CLPX: variants seen among roughly 807,000 people sequenced by gnomAD.
CLPX encodes ATP-dependent clpX-like chaperone, mitochondrial.
Under a neutral mutation model 76.4 loss-of-function variants are expected in CLPX, and 34 were observed. That is an observed-to-expected ratio of 0.45 (90% CI 0.34 to 0.59). CLPX has a LOEUF of 0.59. Among genes scored for constraint, CLPX ranks in the 20% least tolerant of loss-of-function variants. The pLI, the probability that CLPX is intolerant of heterozygous loss-of-function variation, is 0.01. For synonymous variants in CLPX, 248 were observed against 270.9 expected, an observed-to-expected ratio of 0.92 and a Z score of 0.83; for missense variants, 613 against 757.0, an observed-to-expected ratio of 0.81 and a Z score of 2.23.
intron 9 of CLPX, 53 bp downstream of exon 9, chr15:65,156,791 T>C (rs745450264): frequency 2.7e-6 from 3 of 1,110,528 alleles, no homozygotes; most frequent in Non-Finnish European, 4.1e-6. Flanking sequence ...ATTTGGGAGG[T>C]TGATGTATTC....
At chr15:65,151,419 C>G (rs566199470) in intron 13 of CLPX, among the ~76,000 whole-genome samples, 1 of 109,532 alleles carries the variant, frequency 9.1e-6, no homozygotes, top group Non-Finnish European at 1.8e-5. Flanking sequence ...TGCAAATAAA[C>G]TTCCCAGCAT....
chr15:65,178,993 C>T lies in CLPX; in HGVS notation c.299G>A (p.Gly100Glu). 1 of 1,612,328 alleles carries T rather than the reference C, an allele frequency of 6.2e-7. No individual in the cohort carries two copies. The highest frequency in any genetic ancestry group is 8.5e-7 in the Non-Finnish European group (1 of 1,178,722). The change falls in exon 3 of 14, where the codon GGA becomes GAA. Residue 100 changes from glycine (G) to glutamate (E), a missense_variant. By Grantham distance (98) the Gly-to-Glu change is moderately conservative (BLOSUM62 -2). Around this residue, in one of 2 missense-constraint regions of CLPX, gnomAD observed 450 missense variants for 638.6 expected, o/e 0.70. Coordinates refer to ENST00000300107, the MANE Select transcript of CLPX (RefSeq NM_006660.5). ...ACATTTAGGACAGCGCAGCTGGTTT[C>T]CACCTTTCCCAGAATTCCCAGAGCC... ...KSGSGNSGKG[G>E]NQLRCPKCGD...
intron 3 of CLPX, among the ~76,000 whole-genome samples, chr15:65,167,852 C>CA (rs777731452): frequency 5.3e-5 from 8 of 151,854 alleles, no homozygotes; most frequent in Admixed American, 1.3e-4. Flanking sequence ...TGCGCCATTG[C>CA]ACTCCAGCCT....
intron 1 of CLPX, among the ~76,000 whole-genome samples, chr15:65,183,975 T>G (rs1050433204): frequency 3.9e-5 from 6 of 152,218 alleles, no homozygotes; most frequent in Non-Finnish European, 8.8e-5. Flanking sequence ...TAACATCGAT[T>G]TAGGATTAAA....
In CLPX at chr15:65,149,387, A is replaced by G. The variant is rs1335906430; in HGVS notation, c.*1436T>C. On this transcript the variant is annotated 3_prime_UTR_variant, in exon 14 of 14. Transcript: ENST00000300107. ...CTACTCAGGAGGCTGAGGCATGAGT[A>G]TCGCTTGAACCTGGGACTCAGAGGT... 1 of 247,040 alleles carries G rather than the reference A, an allele frequency of 4.0e-6. No homozygotes were observed. Among genetic ancestry groups the G allele is most frequent in the South Asian group, 4.0e-5 (1 of 24,916 alleles). The allele number at this position is 247,040 out of a possible 1,614,324, so 15.3% of individuals were successfully genotyped here. A position where few individuals can be genotyped will look rare whatever the true frequency, so the allele number is the denominator to read the frequency against.
At chr15:65,184,920 A>T (rs1050319975) in intron 1 of CLPX, among the ~76,000 whole-genome samples, 155 bp downstream of exon 1, 1 of 152,108 alleles carries the variant, frequency 6.6e-6, no homozygotes, top group Non-Finnish European at 1.5e-5. Context: ...GCCCCATTCC[A>T]CGGGGAAAGT....
At chr15:65,156,773 C>T (rs927116148) in intron 9 of CLPX, 71 bp downstream of exon 9, 4 of 918,410 alleles carry the variant, frequency 4.4e-6, no homozygotes, top group African/African-American at 1.6e-5. Context: ...TGAAACCAAA[C>T]GTACAATATT....
chr15:65,179,130 T>A (rs2088129452), intron 2 of CLPX, 79 bp from the exon 3 acceptor site: 1 of 706,506 alleles, frequency 1.4e-6, no homozygotes, highest in Non-Finnish European at 2.5e-6. Context: ...AACAATACTG[T>A]TTGTAATTAA....
chr15:65,183,561 A>AAAGGAAGG (rs368335604), intron 1 of CLPX, among the ~76,000 whole-genome samples: 4 of 151,398 alleles, frequency 2.6e-5, no homozygotes, highest in Non-Finnish European at 5.9e-5. Flanking sequence ...GGAAGGAAGG[A>AAAGGAAGG]AAGGAAGGAA....
In CLPX at chr15:65,175,919, C is replaced by T. The variant is rs191604914; in HGVS notation, c.358+3015G>A. 5.4e-4 allele frequency among the ~76,000 whole-genome samples: 83 copies of T among 152,302 alleles called. 1 individual carries two copies. Among genetic ancestry groups the T allele is most frequent in the African/African-American group, 1.9e-3 (79 of 41,584 alleles). On this transcript the variant is annotated intron_variant, in intron 3 of 13. Coordinates refer to ENST00000300107, the MANE Select transcript of CLPX (RefSeq NM_006660.5). ...GGGCTCACTGCACTGCTAGGGCCTACAAATAGTTAGAGGACAGGGACAGTG... is the reference window on the plus strand; with the variant it reads ...GGGCTCACTGCACTGCTAGGGCCTATAAATAGTTAGAGGACAGGGACAGTG...
chr15:65,149,446 G>A lies in CLPX; in HGVS notation c.*1377C>T. The A allele has an allele frequency of 3.2e-6, 1 of 312,088 alleles. No homozygotes were observed. The highest frequency in any genetic ancestry group is 5.1e-4 in the Middle Eastern group (1 of 1,958). The allele number at this position is 312,088 out of a possible 1,614,324, so 19.3% of individuals were successfully genotyped here. On this transcript the variant is annotated 3_prime_UTR_variant, in exon 14 of 14. Coordinates refer to ENST00000300107, the MANE Select transcript of CLPX (RefSeq NM_006660.5). Reference sequence around the variant, plus strand: ...GCCAAGATTGTGGCACTGTACTCCAGCCTGGGTGACACAGCGAGACTCTGT... The same window carrying A: ...GCCAAGATTGTGGCACTGTACTCCAACCTGGGTGACACAGCGAGACTCTGT...
At chr15:65,176,954 G>A (rs1248418216) in intron 3 of CLPX, among the ~76,000 whole-genome samples, 5 of 151,832 alleles carry the variant, frequency 3.3e-5, no homozygotes, top group Non-Finnish European at 7.4e-5. Context: ...AAAAAAGGAG[G>A]AAAATTTCTT....
At chr15:65,177,626 A>G (rs1201440274) in intron 3 of CLPX, among the ~76,000 whole-genome samples, 1 of 152,176 alleles carries the variant, frequency 6.6e-6, no homozygotes, top group African/African-American at 2.4e-5. Flanking sequence ...GCTTTCTTCA[A>G]TTGGATTGTA....
intron 3 of CLPX, among the ~76,000 whole-genome samples, chr15:65,173,365 CAAAAAAAAAAAA>C (rs35763100): frequency 1.9e-5 from 1 of 52,178 alleles, no homozygotes; most frequent in African/African-American, 6.9e-5. Context: ...GACTCTGTCT[CAAAAAAAAAAAA>C]AAAAAAAAAA....
intron 4 of CLPX, among the ~76,000 whole-genome samples, chr15:65,165,452 T>C (rs537149094): frequency 1.9e-4 from 28 of 144,144 alleles, no homozygotes; most frequent in African/African-American, 7.1e-4. Context: ...GGCGTGATCT[T>C]GGCTCACTGC....
intron 3 of CLPX, among the ~76,000 whole-genome samples, chr15:65,174,836 A>C (rs2088066651): frequency 6.6e-6 from 1 of 152,198 alleles, no homozygotes; most frequent in African/African-American, 2.4e-5. Context: ...GCTAGGTATA[A>C]GTAGGCCTGA....
chr15:65,167,963 CA>C (rs2087940693), intron 3 of CLPX, among the ~76,000 whole-genome samples: 1 of 151,826 alleles, frequency 6.6e-6, no homozygotes, highest in Non-Finnish European at 1.5e-5. Context: ...TTTCTCTGAT[CA>C]AAAAACCACT....
rs145963384 is a variant in CLPX, at chr15:65,153,556, C to A, written c.1695G>T (p.Arg565=). 320 of 1,589,536 alleles carry A rather than the reference C, an allele frequency of 2.0e-4. 2 individuals are homozygous for A. In the African/African-American group the frequency reaches 3.9e-3, roughly 19 times the overall value. ...AATAATGCCAACTCACCATTATGGACCGAAGGCCTCGTGCACCTGTTTTTC... is the reference window on the plus strand; with the variant it reads ...AATAATGCCAACTCACCATTATGGAACGAAGGCCTCGTGCACCTGTTTTTC... ...LERKTGARGL[R]SIMEKLLLEP... The change falls in exon 12 of 14, where the codon CGG becomes CGT. Residue 565 remains arginine, a synonymous_variant. Transcript: ENST00000300107.
chr15:65,157,748 T>C lies in CLPX; in HGVS notation c.1055A>G (p.Gln352Arg), dbSNP rs536717501. The change falls in exon 8 of 14, where the codon CAA becomes CGA. Residue 352 changes from glutamine to arginine, a missense_variant and splice_region_variant. By Grantham distance (43) the Gln-to-Arg change is conservative. Transcript: ENST00000300107. ...GACAGACCATGCTGAAAACATACCT[T>C]GTTGTGCTTTTTCCACATTATAATT... Reference protein sequence around the residue: ...DANYNVEKAQQGIVFLDEVDK... With the variant: ...DANYNVEKAQRGIVFLDEVDK... 4.5e-5 allele frequency: 73 copies of C among 1,612,864 alleles called. No homozygotes were observed. In the South Asian group the frequency reaches 7.0e-4, roughly 16 times the overall value.
Sources: allele counts gnomAD v4.1 joint callset (sites outside exome capture counted in the v4.1 genomes callset), GRCh38; gene constraint gnomAD v4.1.1; regional missense constraint gnomAD v4.1.1; transcripts MANE v1.5; gene names NCBI Gene and HGNC (gene_info 2026-07-23, HGNC 2026-07-21).